Variants in DDX39A observed in about 807,000 individuals in gnomAD.
DDX39A encodes the protein ATP-dependent RNA helicase DDX39A.
In DDX39A, 13 loss-of-function variants were observed where a neutral mutation model predicts 46.3. The ratio of observed to expected loss-of-function variants is 0.28; its 90% CI spans 0.18 to 0.45. The LOEUF (loss-of-function observed/expected upper bound fraction) is 0.45, where lower values mean the gene tolerates loss of function less well. Ranked by LOEUF, DDX39A falls within the 20% of genes least tolerant of loss-of-function variation. The pLI is 1.00. For missense variants in DDX39A, 352 were observed against 581.8 expected (o/e 0.61, Z 4.06); for synonymous variants, 234 against 224.6 (o/e 1.04, Z -0.38).
chr19:14,409,703 A>C lies in DDX39A; in HGVS notation c.864+39T>G. 1.2e-6 allele frequency: 2 copies of C among 1,612,394 alleles called. No individual in the cohort carries two copies. The highest frequency in any genetic ancestry group is 1.7e-6 in the Non-Finnish European group (2 of 1,178,620). ...GTCCCTGTGGCCCAGTGACCTCCCGAAGGTCCTGAGCCCCAGGACAGGCTG... is the reference window on the plus strand; with the variant it reads ...GTCCCTGTGGCCCAGTGACCTCCCGCAGGTCCTGAGCCCCAGGACAGGCTG... On this transcript the variant is annotated intron_variant, in intron 7 of 10. Coordinates refer to ENST00000242776, the MANE Select transcript of DDX39A (RefSeq NM_005804.4). This position sits in a 1 kb window ranked among gnomAD's most constrained non-coding sequence, Gnocchi z 8.3.
In DDX39A at chr19:14,409,185, C is replaced by CT. The variant is rs778190346; in HGVS notation, c.1120-2dup. 5.7e-5 allele frequency: 92 copies of CT among 1,614,214 alleles called. No homozygotes were observed. Among genetic ancestry groups the CT allele is most frequent in the Non-Finnish European group, 7.2e-5 (85 of 1,180,032 alleles). On this transcript the variant is annotated splice_acceptor_variant, in intron 9 of 10. Coordinates refer to ENST00000242776, the MANE Select transcript of DDX39A (RefSeq NM_005804.4). LOFTEE classifies it high-confidence loss of function. The surrounding 1 kb of genome is among the most constrained non-coding windows in gnomAD (Gnocchi z 8.3). ...TGCCAAAGCGACCCGCCCGGGCCAC[C>CT]TGCAGGCAGACAGGATCAGGGTCAG...
At chr19:14,414,565 G>C (rs1040404307) in intron 1 of DDX39A, among the ~76,000 whole-genome samples, 1 of 149,108 alleles carries the variant, frequency 6.7e-6, no homozygotes, top group African/African-American at 2.4e-5. Flanking sequence ...TGGTCAGGCT[G>C]GTCTCAAACT....
rs1191142437 is a variant in DDX39A, at chr19:14,409,637, G to A, written c.873C>T (p.Ile291=). The change falls in exon 8 of 11, where the codon ATC becomes ATT. Residue 291 remains isoleucine (I), a synonymous_variant. Coordinates refer to ENST00000242776, the MANE Select transcript of DDX39A (RefSeq NM_005804.4). This position sits in a 1 kb window ranked among gnomAD's most constrained non-coding sequence, Gnocchi z 8.3. The part of the protein sequence containing the change: ...LDVLEFNQVI[I]FVKSVQRCMA... ...TGCAGCGCTGCACTGACTTGACGAA[G>A]ATTATCACCTGAGGGAAGGAGTGGC... The A allele has an allele frequency of 6.2e-6, 10 of 1,609,922 alleles. No homozygotes were observed. In the African/African-American group the frequency reaches 1.1e-4, roughly 17 times the overall value.
chr19:14,409,008 A>G lies in DDX39A; in HGVS notation c.1267+29T>C. ...GGCCGGGGGAGGAACCCTCTGCCCC[A>G]GACCCCTGGCCCTGCCCAAGGCACT... is the stretch of plus-strand genomic sequence containing the variant. On this transcript the variant is annotated intron_variant, in intron 10 of 10. Coordinates refer to ENST00000242776, the MANE Select transcript of DDX39A (RefSeq NM_005804.4). This position sits in a 1 kb window ranked among gnomAD's most constrained non-coding sequence, Gnocchi z 8.3. The G allele has an allele frequency of 1.2e-6, 2 of 1,613,900 alleles. No homozygotes were observed. The highest frequency in any genetic ancestry group is 1.7e-5 in the Admixed American group (1 of 59,994).
At position 14,410,834 on chromosome 19, in the gene DDX39A, G is replaced by T; in HGVS notation, c.613+155C>A. The T allele has an allele frequency of 1.4e-6, 1 of 719,468 alleles. No homozygotes were observed. The highest frequency in any genetic ancestry group is 2.2e-6 in the Non-Finnish European group (1 of 459,960). The allele number at this position is 719,468 out of a possible 1,614,324, so 44.6% of individuals were successfully genotyped here. The stretch of plus-strand genomic sequence containing the variant: ...CCCATTCGGCTCGGGCTCAGAAACA[G>T]CACATCCCTCTGCCAGCAGCAGAGC... On this transcript the variant is annotated intron_variant, in intron 5 of 10. Transcript: ENST00000242776. This position sits in a 1 kb window ranked among gnomAD's most constrained non-coding sequence, Gnocchi z 4.3.
At chr19:14,415,541 C>T (rs909290794) in intron 1 of DDX39A, among the ~76,000 whole-genome samples, 1 of 152,008 alleles carries the variant, frequency 6.6e-6, no homozygotes, top group African/African-American at 2.4e-5. Flanking sequence ...AGGCGATCCG[C>T]CCACCTCAGC....
At chr19:14,419,353 C>T (rs995367891), upstream of DDX39A, 2 of 216,554 alleles carry the variant, frequency 9.2e-6, no homozygotes, top group Non-Finnish European at 9.6e-6. Flanking sequence ...CGAGTTGCTG[C>T]GCTTCCTGCC....
intron 1 of DDX39A, among the ~76,000 whole-genome samples, chr19:14,416,591 C>T (rs2146394907): frequency 6.6e-6 from 1 of 152,308 alleles, no homozygotes; most frequent in South Asian, 2.1e-4. Context: ...GCACCAGAGC[C>T]TTTTGGGGTA....
At position 14,410,685 on chromosome 19, in the gene DDX39A, G is replaced by A. The variant is rs1976549205; in HGVS notation, c.613+304C>T. ...GCCCATCTCCCACCGGCCCTGTCGG[G>A]GCTCACTGAGGGCAGGCGGGGCCTG... On this transcript the variant is annotated intron_variant, in intron 5 of 10. Transcript: ENST00000242776. The surrounding 1 kb of genome is among the most constrained non-coding windows in gnomAD (Gnocchi z 4.3). The A allele has an allele frequency of 1.9e-6, 1 of 517,240 alleles. No individual in the cohort carries two copies. Among genetic ancestry groups the A allele is most frequent in the Admixed American group, 3.2e-5 (1 of 31,012 alleles). The allele number at this position is 517,240 out of a possible 1,614,324, so 32.0% of individuals were successfully genotyped here. A position where few individuals can be genotyped will look rare whatever the true frequency, so the allele number is the denominator to read the frequency against.
In DDX39A at chr19:14,409,353, T is replaced by A; in HGVS notation, c.1069A>T (p.Ile357Phe). ...GRGMDIERVN[I>F]VFNYDMPEDS... ...TCAGGCATGTCGTAGTTAAAGACGA[T>A]GTTGACTCGCTCGATGTCCATCCCC... Residue 357 changes from isoleucine to phenylalanine, a missense_variant, in exon 9 of 11, where the codon ATC becomes TTC. By Grantham distance (21) the Ile-to-Phe change is conservative. Transcript: ENST00000242776. This position sits in a 1 kb window ranked among gnomAD's most constrained non-coding sequence, Gnocchi z 8.3. 1 of 1,614,202 alleles carries A rather than the reference T, an allele frequency of 6.2e-7. No individual in the cohort carries two copies.
intron 1 of DDX39A, among the ~76,000 whole-genome samples, chr19:14,417,722 C>T (rs946565712): frequency 1.4e-4 from 22 of 151,944 alleles, no homozygotes; most frequent in African/African-American, 4.1e-4. Context: ...AAAATTAGCC[C>T]GGTGTGGTGG....
Position 14,411,130 on chromosome 19 carries a change from C to T in DDX39A, c.472G>A (p.Glu158Lys), listed in dbSNP as rs773615718. ...TGGGGACAGTTCTTCTTCAACACTT[C>T]TTCATCCTTCTTGATGGAGAGACCA... ...FGGLSIKKDE[E>K]VLKKNCPHVV... is the part of the protein sequence containing the mutation. Residue 158 changes from glutamate (E) to lysine (K), a missense_variant, in exon 5 of 11, where the codon GAA becomes AAA. Physicochemically the swap from Glu to Lys is moderately conservative, Grantham distance 56 (BLOSUM62 1). Coordinates refer to ENST00000242776, the MANE Select transcript of DDX39A (RefSeq NM_005804.4). The surrounding 1 kb of genome is among the most constrained non-coding windows in gnomAD (Gnocchi z 4.1). 1.9e-6 allele frequency: 3 copies of T among 1,604,058 alleles called. No individual in the cohort carries two copies. Among genetic ancestry groups the T allele is most frequent in the Non-Finnish European group, 2.6e-6 (3 of 1,176,134 alleles).
chr19:14,411,495 G>C lies in DDX39A; in HGVS notation c.429+11C>G, dbSNP rs369868129. On this transcript the variant is annotated intron_variant, in intron 4 of 10. Transcript: ENST00000242776. This position sits in a 1 kb window ranked among gnomAD's most constrained non-coding sequence, Gnocchi z 4.1. The stretch of plus-strand genomic sequence containing the variant: ...AGTGGCGCCTGGTCCAGTCTGGCCC[G>C]AGGGACTCACCTTGACGCTGGGCAT... 6.2e-7 allele frequency: 1 copy of C among 1,612,772 alleles called. No homozygotes were observed. Among genetic ancestry groups the C allele is most frequent in the Admixed American group, 1.7e-5 (1 of 60,022 alleles).
intron 1 of DDX39A, among the ~76,000 whole-genome samples, chr19:14,418,359 G>A (rs1450716013): frequency 6.6e-6 from 1 of 152,132 alleles, no homozygotes; most frequent in Non-Finnish European, 1.5e-5. Flanking sequence ...ACCCAGACAC[G>A]CCACGTGTAC....
In DDX39A at chr19:14,412,416, C is replaced by A. The variant is rs1003508859; in HGVS notation, c.336+135G>T. 7.7e-7 allele frequency: 1 copy of A among 1,291,564 alleles called. No individual in the cohort carries two copies. The allele number at this position is 1,291,564 out of a possible 1,614,324, so 80.0% of individuals were successfully genotyped here. A position where few individuals can be genotyped will look rare whatever the true frequency, so the allele number is the denominator to read the frequency against. On this transcript the variant is annotated intron_variant, in intron 3 of 10. Transcript: ENST00000242776. This position sits in a 1 kb window ranked among gnomAD's most constrained non-coding sequence, Gnocchi z 4.4. The stretch of plus-strand genomic sequence containing the variant: ...TGATCATAGCACACTGCAGCCTCGA[C>A]TTCCTGGGCTCAAGCAATCCTCCAG...
chr19:14,415,525 GGGCTCA>G (rs1467886486), intron 1 of DDX39A, among the ~76,000 whole-genome samples: 1 of 151,834 alleles, frequency 6.6e-6, no homozygotes, highest in Non-Finnish European at 1.5e-5. Flanking sequence ...TCCAACTTGT[GGGCTCA>G]GGCGATCCGC....
chr19:14,414,282 C>T (rs561520808), intron 1 of DDX39A, among the ~76,000 whole-genome samples: 28 of 151,934 alleles, frequency 1.8e-4, no homozygotes, highest in African/African-American at 6.5e-4. Flanking sequence ...CTGGCCAGTT[C>T]TCACCTATGC....
Position 14,412,572 on chromosome 19 carries a change from C to T in DDX39A, c.315G>A (p.Gln105=). The change falls in exon 3 of 11, where the codon CAG becomes CAA. Residue 105 remains glutamine, a synonymous_variant. Transcript: ENST00000242776. The surrounding 1 kb of genome is among the most constrained non-coding windows in gnomAD (Gnocchi z 4.4). ...CCACCTGTCCGTTGACAGGCTCAATCTGCTGTAGGGTGGCCAGCACGAAGA... is the reference window on the plus strand; with the variant it reads ...CCACCTGTCCGTTGACAGGCTCAATTTGCTGTAGGGTGGCCAGCACGAAGA... ...TAVFVLATLQ[Q]IEPVNGQVTV... 1 of 1,609,734 alleles carries T rather than the reference C, an allele frequency of 6.2e-7. No homozygotes were observed. Among genetic ancestry groups the T allele is most frequent in the Non-Finnish European group, 8.5e-7 (1 of 1,179,942 alleles).
At chr19:14,418,840 G>C in intron 1 of DDX39A, 1 of 447,578 alleles carries the variant, frequency 2.2e-6, no homozygotes, top group Non-Finnish European at 4.5e-6. Context: ...GGTAGACTGG[G>C]AAAGGGATCA....
Sources: allele counts gnomAD v4.1 joint callset (sites outside exome capture counted in the v4.1 genomes callset), GRCh38; gene constraint gnomAD v4.1.1; non-coding constraint Gnocchi (gnomAD v3.1); transcripts MANE v1.5; gene names NCBI Gene and HGNC (gene_info 2026-07-23, HGNC 2026-07-21).